Variants in ADARB2 observed in about 807,000 individuals in gnomAD.
The protein encoded by ADARB2 is inactive double-stranded RNA-specific editase B2.
Under a neutral mutation model 62.2 loss-of-function variants are expected in ADARB2, and 25 were observed. The ratio of observed to expected loss-of-function variants is 0.40; its 90% CI spans 0.29 to 0.56. ADARB2 has a LOEUF of 0.56. Ranked by LOEUF, ADARB2 falls within the 20% of genes least tolerant of loss-of-function variation. The probability of loss-of-function intolerance (pLI) is 0.43; values close to 1 mark genes in which losing one functional copy is unlikely to be tolerated. For missense variants in ADARB2, 1,071 were observed against 1,077.4 expected (o/e 0.99, Z 0.08); for synonymous variants, 572 against 500.8 (o/e 1.14, Z -1.90).
In ADARB2 at chr10:1,604,692, A is replaced by G. The variant is rs1406346788; in HGVS notation, c.100+132359T>C. On this transcript the variant is annotated intron_variant, in intron 1 of 9. Coordinates refer to ENST00000381312, the MANE Select transcript of ADARB2 (RefSeq NM_018702.4). ...AAAAGGAAAGAGCTGCTGTGAATCT[A>G]TTACCTGTAACCGGTCCTTGTCTCC... is the stretch of plus-strand genomic sequence containing the variant. 2.0e-5 allele frequency among the ~76,000 whole-genome samples: 3 copies of G among 152,310 alleles called. 1 individual carries two copies. The highest frequency in any genetic ancestry group is 4.4e-5 in the Non-Finnish European group (3 of 68,020).
intron 1 of ADARB2, among the ~76,000 whole-genome samples, chr10:1,642,296 T>A (rs1048677668): frequency 3.3e-5 from 5 of 151,132 alleles, no homozygotes; most frequent in Non-Finnish European, 5.9e-5. Context: ...ACTTGTTGAA[T>A]GAACAATCCA....
intron 4 of ADARB2, among the ~76,000 whole-genome samples, chr10:1,251,424 G>A (rs1020936348): frequency 1.2e-4 from 18 of 152,092 alleles, no homozygotes; most frequent in Non-Finnish European, 2.2e-4. Context: ...GGGATGAGGC[G>A]GGGAAGGGAT....
At chr10:1,476,262 C>T (rs1273108976) in intron 1 of ADARB2, among the ~76,000 whole-genome samples, 6 of 152,116 alleles carry the variant, frequency 3.9e-5, no homozygotes, top group African/African-American at 1.4e-4. Context: ...GGGCCTGCCT[C>T]AGGTGGGGGC....
At chr10:1,556,501 T>C (rs1275384616) in intron 1 of ADARB2, 2 of 369,680 alleles carry the variant, frequency 5.4e-6, no homozygotes, top group African/African-American at 4.3e-5. Flanking sequence ...TGCTGGTGCT[T>C]CGCAAACTTT....
intron 1 of ADARB2, chr10:1,676,000 G>A (rs748965985): frequency 3.0e-5 from 30 of 985,114 alleles, no homozygotes; most frequent in Admixed American, 1.2e-4. Flanking sequence ...ACCCACCCCC[G>A]ACTTTGGTAA....
intron 5 of ADARB2, among the ~76,000 whole-genome samples, chr10:1,239,881 TACTCCCCTCTCCCTCCCGGTGTTC>T (rs1830891758): frequency 8.8e-5 from 1 of 11,404 alleles, no homozygotes; most frequent in Non-Finnish European, 1.4e-4. Context: ...TCCCGGTGTT[TACTCCCCTCTCCCTCCCGGTGTTC>T]ACTCCCCTCT....
chr10:1,461,062 A>G (rs1451396352), intron 1 of ADARB2, among the ~76,000 whole-genome samples: 1 of 152,240 alleles, frequency 6.6e-6, no homozygotes, highest in East Asian at 1.9e-4. Context: ...TTGATTGTCT[A>G]CTCAGATGAG....
rs191668655 is a variant in ADARB2 at position 1,424,436 on chromosome 10, C to T, written c.101-45276G>A. 1.5e-3 allele frequency among the ~76,000 whole-genome samples: 236 copies of T among 152,306 alleles called. 1 individual carries two copies. Among genetic ancestry groups the T allele is most frequent in the Admixed American group, 2.8e-3 (43 of 15,296 alleles). ...CGCGAGATGGCATGCTCTGAGGCCTCTTCCTCGTGTTTAATGACTCGTGGC... is the reference window on the plus strand; with the variant it reads ...CGCGAGATGGCATGCTCTGAGGCCTTTTCCTCGTGTTTAATGACTCGTGGC... On this transcript the variant is annotated intron_variant, in intron 1 of 9. Transcript: ENST00000381312.
intron 1 of ADARB2, among the ~76,000 whole-genome samples, chr10:1,532,587 T>A (rs2131960890): frequency 6.6e-6 from 1 of 152,218 alleles, no homozygotes; most frequent in African/African-American, 2.4e-5. Flanking sequence ...GGTCAGGCAT[T>A]GGGTGCTGCC....
chr10:1,411,985 C>T (rs1832763735), intron 1 of ADARB2, among the ~76,000 whole-genome samples: 1 of 152,332 alleles, frequency 6.6e-6, no homozygotes, highest in Middle Eastern at 3.4e-3. Context: ...ACGCATCAGG[C>T]TGAGAGGAGC....
intron 1 of ADARB2, among the ~76,000 whole-genome samples, chr10:1,713,381 T>C (rs558893877): frequency 6.6e-6 from 1 of 152,214 alleles, no homozygotes; most frequent in East Asian, 1.9e-4. Flanking sequence ...AGAACATTAA[T>C]CCGGGCAGTG....
chr10:1,572,264 A>G (rs1832952533), intron 1 of ADARB2, among the ~76,000 whole-genome samples: 1 of 137,602 alleles, frequency 7.3e-6, no homozygotes, highest in Non-Finnish European at 1.6e-5. Context: ...TGCTGGTGAG[A>G]AGGCAGGTGA....
chr10:1,601,188 C>T (rs1178768695), intron 1 of ADARB2, among the ~76,000 whole-genome samples: 1 of 152,204 alleles, frequency 6.6e-6, no homozygotes, highest in Non-Finnish European at 1.5e-5. Flanking sequence ...GTCACAGAGA[C>T]ACCACGTGTG....
chr10:1,516,805 C>T (rs981926421), intron 1 of ADARB2, among the ~76,000 whole-genome samples: 1 of 152,174 alleles, frequency 6.6e-6, no homozygotes, highest in African/African-American at 2.4e-5. Flanking sequence ...AAAAAGGTTG[C>T]AAATGGCCTC....
intron 1 of ADARB2, among the ~76,000 whole-genome samples, chr10:1,672,802 C>T (rs537416908): frequency 5.3e-5 from 8 of 150,792 alleles, no homozygotes; most frequent in Non-Finnish European, 1.2e-4. Flanking sequence ...TATCCAGCAA[C>T]CTCCACGTCT....
At chr10:1,643,489 G>C (rs555545179) in intron 1 of ADARB2, among the ~76,000 whole-genome samples, 8 of 152,210 alleles carry the variant, frequency 5.3e-5, no homozygotes, top group Non-Finnish European at 1.0e-4. Flanking sequence ...ATGGTGGGGG[G>C]CTAGGGTTAC....
chr10:1,363,014 G>T lies in ADARB2; in HGVS notation c.1077+14C>A. ...AGCGCCGCCCGTTCCCCCTGCACCC[G>T]CCGCGCCCCTCACCTGCGGCATTGG... On this transcript the variant is annotated intron_variant, in intron 3 of 9. Transcript: ENST00000381312. The T allele has an allele frequency of 7.5e-7, 1 of 1,337,020 alleles. No homozygotes were observed. The highest frequency in any genetic ancestry group is 9.6e-7 in the Non-Finnish European group (1 of 1,041,180). The allele number at this position is 1,337,020 out of a possible 1,614,324, so 82.8% of individuals were successfully genotyped here. A position where few individuals can be genotyped will look rare whatever the true frequency, so the allele number is the denominator to read the frequency against.
chr10:1,424,980 T>G (rs59067204), intron 1 of ADARB2, among the ~76,000 whole-genome samples: 15,334 of 152,210 alleles, frequency 0.1, 997 homozygotes, highest in East Asian at 0.25. Context: ...AAAGCATTTA[T>G]CAGCTGCATG....
chr10:1,318,302 AT>A (rs575922674), intron 3 of ADARB2, among the ~76,000 whole-genome samples: 95 of 152,236 alleles, frequency 6.2e-4, no homozygotes, highest in African/African-American at 1.7e-3. Context: ...CCATTTGTTT[AT>A]TTTTGCAACC....
Sources: gnomAD v4.1 joint callset for allele counts (sites outside exome capture counted in the v4.1 genomes callset) on GRCh38, gnomAD v4.1.1 for gene constraint, MANE v1.5 for transcripts, NCBI Gene and HGNC (gene_info 2026-07-23, HGNC 2026-07-21) for gene names.